THBS4: variants seen among roughly 807,000 people sequenced by gnomAD.
THBS4 encodes thrombospondin-4.
In THBS4, 90 loss-of-function variants were observed where a neutral mutation model predicts 115.7. That is an observed-to-expected ratio of 0.78 (90% CI 0.66 to 0.93). The LOEUF (loss-of-function observed/expected upper bound fraction) is 0.93, where lower values mean the gene tolerates loss of function less well. THBS4 is among the 40% of genes least tolerant of loss of function. The probability of loss-of-function intolerance (pLI) is 0.00; values close to 1 mark genes in which losing one functional copy is unlikely to be tolerated. For synonymous variants in THBS4, 460 were observed against 479.3 expected (o/e 0.96, Z 0.53); for missense variants, 1,087 against 1,232.7 (o/e 0.88, Z 1.77).
In THBS4 at chr5:80,070,786, C is replaced by T. The variant is rs148550817; in HGVS notation, c.1560+36C>T. On this transcript the variant is annotated intron_variant, in intron 12 of 21. Transcript: ENST00000350881. ...CGCTGGGAGGGCCTGTGAATTGCCA[C>T]GTACCAGGGATGATGGGAGAAAGCC... 87 of 1,602,026 alleles carry T rather than the reference C, an allele frequency of 5.4e-5. No individual in the cohort carries two copies. The East Asian group carries it at 1.0e-3, about 18-fold the overall frequency.
chr5:80,042,633 A>AT (rs1832939274), intron 2 of THBS4, among the ~76,000 whole-genome samples: 1 of 152,212 alleles, frequency 6.6e-6, no homozygotes, highest in African/African-American at 2.4e-5. Flanking sequence ...GGGGATCGTT[A>AT]GTATGTTTCC....
chr5:80,023,014 C>T (rs1419882039), intron 2 of THBS4, among the ~76,000 whole-genome samples: 1 of 152,070 alleles, frequency 6.6e-6, no homozygotes, highest in Admixed American at 6.6e-5. Context: ...CATCAATTTC[C>T]TTAGTTGCAA....
intron 1 of THBS4, among the ~76,000 whole-genome samples, chr5:80,036,436 T>C (rs1441062441): frequency 6.6e-6 from 1 of 152,146 alleles, no homozygotes; most frequent in Non-Finnish European, 1.5e-5. Flanking sequence ...GGTGATGTGT[T>C]CACTAGAAGC....
chr5:80,027,434 A>G (rs1225717826), intron 2 of THBS4, among the ~76,000 whole-genome samples: 1 of 152,190 alleles, frequency 6.6e-6, no homozygotes. Context: ...AATTCACCAA[A>G]GCACCTCCAC....
intron 2 of THBS4, among the ~76,000 whole-genome samples, chr5:80,017,288 G>C (rs1004275227): frequency 1.3e-5 from 2 of 152,128 alleles, no homozygotes; most frequent in African/African-American, 4.8e-5. Flanking sequence ...TTTTTATTTA[G>C]ATAAGAAAAT....
intron 7 of THBS4, among the ~76,000 whole-genome samples, chr5:80,061,410 A>T (rs1239543663): frequency 6.6e-6 from 1 of 152,204 alleles, no homozygotes; most frequent in Non-Finnish European, 1.5e-5. Context: ...ATGTCAGAAT[A>T]TCAGGGAGCT....
intron 16 of THBS4, among the ~76,000 whole-genome samples, chr5:80,077,445 C>T (rs566524095): frequency 2.2e-4 from 33 of 152,310 alleles, no homozygotes; most frequent in African/African-American, 7.5e-4. Context: ...GTGGTATATG[C>T]TGGGTTCACA....
At chr5:80,012,561 G>C (rs912513287) in intron 2 of THBS4, among the ~76,000 whole-genome samples, 5 of 152,124 alleles carry the variant, frequency 3.3e-5, no homozygotes, top group African/African-American at 1.2e-4. Flanking sequence ...TTCCCCAGAG[G>C]CAAATTTCAA....
chr5:79,992,479 T>A (rs1481909116), intron 1 of THBS4, among the ~76,000 whole-genome samples: 2 of 152,246 alleles, frequency 1.3e-5, no homozygotes, highest in African/African-American at 4.8e-5. Flanking sequence ...AGTGCCAGCC[T>A]GCTAAAGTCT....
intron 21 of THBS4, 114 bp from the exon 22 acceptor site, chr5:80,082,966 G>C (rs1580999521): frequency 1.7e-6 from 1 of 599,840 alleles, no homozygotes; most frequent in Non-Finnish European, 2.5e-6. Context: ...GGCCTGCGGG[G>C]CGTCCTGGGC....
At chr5:80,022,181 T>G (rs943173417) in intron 2 of THBS4, among the ~76,000 whole-genome samples, 5 of 152,172 alleles carry the variant, frequency 3.3e-5, no homozygotes, top group African/African-American at 1.2e-4. Flanking sequence ...AAATCTAGCT[T>G]TGGCACTCGC....
At chr5:80,042,018 C>G (rs1832918924) in intron 2 of THBS4, among the ~76,000 whole-genome samples, 1 of 152,228 alleles carries the variant, frequency 6.6e-6, no homozygotes, top group African/African-American at 2.4e-5. Flanking sequence ...CCCTTCTTTT[C>G]TGTCAGATTC....
upstream of THBS4, among the ~76,000 whole-genome samples, chr5:80,030,716 C>G (rs1002204293): frequency 3.9e-5 from 6 of 152,100 alleles, no homozygotes; most frequent in Middle Eastern, 3.4e-3. Context: ...CTATGTTGCC[C>G]AGGTTGGTCT....
At chr5:80,019,290 C>T (rs1001535059) in intron 2 of THBS4, among the ~76,000 whole-genome samples, 3 of 152,040 alleles carry the variant, frequency 2.0e-5, no homozygotes, top group South Asian at 2.1e-4. Context: ...CACACATGTA[C>T]GTACACCTTA....
chr5:80,001,719 C>A (rs1197008544), intron 2 of THBS4, among the ~76,000 whole-genome samples: 2 of 152,120 alleles, frequency 1.3e-5, no homozygotes, highest in African/African-American at 4.8e-5. Context: ...TATAATTCAA[C>A]ATTTCAGGAG....
intron 1 of THBS4, among the ~76,000 whole-genome samples, chr5:80,036,857 A>T (rs146364630): frequency 2.8e-4 from 42 of 152,346 alleles, no homozygotes; most frequent in African/African-American, 9.6e-4. Flanking sequence ...GCCAGAGCAA[A>T]GACTGCCTAT....
chr5:80,009,694 A>G (rs1289380720), intron 2 of THBS4, among the ~76,000 whole-genome samples: 5 of 152,188 alleles, frequency 3.3e-5, no homozygotes, highest in African/African-American at 4.8e-5. Flanking sequence ...TTCCAAAGAG[A>G]ATACATGAAC....
At chr5:80,009,774 C>T (rs1242948512) in intron 2 of THBS4, among the ~76,000 whole-genome samples, 1 of 151,998 alleles carries the variant, frequency 6.6e-6, no homozygotes, top group Non-Finnish European at 1.5e-5. Context: ...AAAAAAAATT[C>T]TTTTGAATCA....
chr5:80,000,804 G>A (rs1006977911), intron 2 of THBS4, among the ~76,000 whole-genome samples: 20 of 152,222 alleles, frequency 1.3e-4, no homozygotes, highest in African/African-American at 4.1e-4. Flanking sequence ...CCAAGAGAGC[G>A]TATGTGTGTG....
Sources: allele counts gnomAD v4.1 joint callset (sites outside exome capture counted in the v4.1 genomes callset), GRCh38; gene constraint gnomAD v4.1.1; transcripts MANE v1.5; gene names NCBI Gene and HGNC (gene_info 2026-07-23, HGNC 2026-07-21).